Variants in DLC1 observed in about 807,000 individuals in gnomAD.
DLC1 encodes the protein DLC1 Rho GTPase activating protein.
DLC1 carries 54 observed loss-of-function variants against 140.3 expected under a neutral mutation model. That is an observed-to-expected ratio of 0.38 (90% CI 0.31 to 0.48). DLC1 has a LOEUF of 0.48. DLC1 is among the 20% of genes least tolerant of loss of function. The pLI is 0.96. For missense variants in DLC1, 2,536 were observed against 1,907.0 expected (o/e 1.33, Z -6.14); for synonymous variants, 986 against 728.1 (o/e 1.35, Z -5.70).
intron 5 of DLC1, among the ~76,000 whole-genome samples, chr8:13,154,559 C>T (rs919744170): frequency 2.6e-5 from 4 of 152,194 alleles, no homozygotes; most frequent in Admixed American, 6.5e-5. Flanking sequence ...TGCGCAGCCC[C>T]GGTTCCTGCT....
chr8:13,331,299 G>A (rs1022687612), intron 4 of DLC1, among the ~76,000 whole-genome samples: 1 of 152,162 alleles, frequency 6.6e-6, no homozygotes, highest in Non-Finnish European at 1.5e-5. Flanking sequence ...CGTTTGGGTG[G>A]CAATTCCAAT....
rs1197736669 is a variant in DLC1, at chr8:13,090,490, C to A, written c.3856-20G>T. On this transcript the variant is annotated intron_variant, in intron 14 of 17. Coordinates refer to ENST00000276297, the MANE Select transcript of DLC1 (RefSeq NM_182643.3). ...GGGAACCTGTGCGGAACATGACAGA[C>A]AGAAAGGAGGTGAGTCCACCTGTAC... 4 of 1,612,218 alleles carry A rather than the reference C, an allele frequency of 2.5e-6. No homozygotes were observed. The highest frequency in any genetic ancestry group is 2.5e-6 in the Non-Finnish European group (3 of 1,179,572).
At chr8:13,555,329 T>C (rs1210662053) in intron 1 of DLC1, among the ~76,000 whole-genome samples, 2 of 149,100 alleles carry the variant, frequency 1.3e-5, no homozygotes, top group African/African-American at 5.0e-5. Flanking sequence ...TTCTTGTATG[T>C]TTTTTTTTTA....
intron 2 of DLC1, among the ~76,000 whole-genome samples, chr8:13,487,585 T>A (rs979134209): frequency 4.6e-5 from 7 of 152,036 alleles, no homozygotes; most frequent in African/African-American, 1.7e-4. Flanking sequence ...TCCTTTTTTT[T>A]TTTTTTGAAA....
chr8:13,603,820 C>T (rs1289759891), intron 1 of DLC1, among the ~76,000 whole-genome samples: 1 of 151,958 alleles, frequency 6.6e-6, no homozygotes, highest in Non-Finnish European at 1.5e-5. Context: ...CAAAGGCAAC[C>T]GATCATTTCA....
At chr8:13,500,233 A>C (rs1004123406) in intron 1 of DLC1, 37 bp from the exon 2 acceptor site, 1 of 602,806 alleles carries the variant, frequency 1.7e-6, no homozygotes, top group Non-Finnish European at 2.8e-6. Flanking sequence ...AGTCGCAGAT[A>C]CGTTTCTAAA....
chr8:13,122,076 AC>A (rs1239936177), intron 5 of DLC1, among the ~76,000 whole-genome samples: 1 of 151,678 alleles, frequency 6.6e-6, no homozygotes, highest in African/African-American at 2.4e-5. Flanking sequence ...GATAAGCCTC[AC>A]CCCTCCCTGC....
At chr8:13,428,014 G>A (rs1838673862) in intron 2 of DLC1, among the ~76,000 whole-genome samples, 1 of 152,178 alleles carries the variant, frequency 6.6e-6, no homozygotes, top group Non-Finnish European at 1.5e-5. Flanking sequence ...CATCCTCTGT[G>A]CAGGTGGCTT....
At chr8:13,206,176 C>T (rs1827654662) in intron 5 of DLC1, among the ~76,000 whole-genome samples, 1 of 152,086 alleles carries the variant, frequency 6.6e-6, no homozygotes, top group Non-Finnish European at 1.5e-5. Context: ...ACTGAATAGC[C>T]AATGATCTAA....
intron 4 of DLC1, among the ~76,000 whole-genome samples, chr8:13,332,211 A>G (rs1304207664): frequency 1.3e-5 from 2 of 152,206 alleles, no homozygotes; most frequent in African/African-American, 2.4e-5. Context: ...GTGCATTAGC[A>G]TATTTTCCTG....
chr8:13,463,539 G>C (rs1450990615), intron 2 of DLC1, among the ~76,000 whole-genome samples: 1 of 152,094 alleles, frequency 6.6e-6, no homozygotes, highest in Non-Finnish European at 1.5e-5. Context: ...GGCTTTACTT[G>C]TGTTTACCTT....
intron 1 of DLC1, chr8:13,558,533 C>A (rs1252605465): frequency 1.3e-5 from 2 of 152,008 alleles, no homozygotes; most frequent in African/African-American, 4.8e-5. Flanking sequence ...TTAACCGAAG[C>A]CTATATTTCA....
intron 5 of DLC1, among the ~76,000 whole-genome samples, chr8:13,279,821 T>C (rs1398574209): frequency 6.6e-6 from 1 of 152,178 alleles, no homozygotes; most frequent in East Asian, 1.9e-4. Context: ...ACTTAGACAA[T>C]AATTTCTCAA....
intron 5 of DLC1, among the ~76,000 whole-genome samples, chr8:13,291,464 C>G (rs1586080003): frequency 1.3e-5 from 2 of 152,164 alleles, no homozygotes; most frequent in Non-Finnish European, 1.5e-5. Flanking sequence ...CAAAATAAAA[C>G]TCTTGAATGG....
chr8:13,135,363 A>G (rs1822485170), intron 5 of DLC1, among the ~76,000 whole-genome samples: 1 of 151,902 alleles, frequency 6.6e-6, no homozygotes, highest in Non-Finnish European at 1.5e-5. Flanking sequence ...TTGTATTTTT[A>G]GTAGAGACAG....
At chr8:13,530,320 A>G (rs1262952976) in intron 1 of DLC1, among the ~76,000 whole-genome samples, 1 of 152,222 alleles carries the variant, frequency 6.6e-6, no homozygotes, top group East Asian at 1.9e-4. Context: ...GGTAAATAGA[A>G]TAATGAGATT....
chr8:13,356,963 G>A (rs1294862612), intron 4 of DLC1, among the ~76,000 whole-genome samples: 1 of 152,048 alleles, frequency 6.6e-6, no homozygotes, highest in Non-Finnish European at 1.5e-5. Flanking sequence ...TACGAGTTCA[G>A]AGAAGCCTTA....
At chr8:13,437,660 C>G (rs946824621) in intron 2 of DLC1, among the ~76,000 whole-genome samples, 2 of 152,156 alleles carry the variant, frequency 1.3e-5, no homozygotes, top group Admixed American at 6.5e-5. Context: ...GAAACTGGCT[C>G]CCAGGGACAA....
At chr8:13,582,590 A>G (rs975480722) in intron 1 of DLC1, among the ~76,000 whole-genome samples, 9 of 152,072 alleles carry the variant, frequency 5.9e-5, no homozygotes, top group South Asian at 2.1e-4. Context: ...AAGTTCATCA[A>G]TTTTAGAACT....
Sources: allele counts gnomAD v4.1 joint callset (sites outside exome capture counted in the v4.1 genomes callset), GRCh38; gene constraint gnomAD v4.1.1; transcripts MANE v1.5; gene names NCBI Gene and HGNC (gene_info 2026-07-23, HGNC 2026-07-21).